Variants in MGAM observed in about 807,000 individuals in gnomAD.
MGAM encodes maltase-glucoamylase.
In MGAM, 253 loss-of-function variants were observed where a neutral mutation model predicts 358.8. The ratio of observed to expected loss-of-function variants is 0.71; its 90% CI spans 0.64 to 0.78. The LOEUF (loss-of-function observed/expected upper bound fraction) is 0.78. Among genes scored for constraint, MGAM ranks in the 30% least tolerant of loss-of-function variants. The pLI is 0.00. For missense variants in MGAM, 3,080 were observed against 3,432.6 expected, an observed-to-expected ratio of 0.90 and a Z score of 2.57; for synonymous variants, 1,105 against 1,227.1, an observed-to-expected ratio of 0.90 and a Z score of 2.08.
intron 33 of MGAM, 48 bp downstream of exon 33, chr7:142,060,014 CACTGTTGGT>C (rs1811971103): frequency 1.6e-6 from 1 of 629,250 alleles, no homozygotes; most frequent in African/African-American, 2.3e-5. Flanking sequence ...GAGGGTGGGT[CACTGTTGGT>C]GGGTCACTGT....
chr7:142,065,225 C>G, intron 37 of MGAM, 110 bp from the exon 38 acceptor site: 2 of 1,432,474 alleles, frequency 1.4e-6, no homozygotes, highest in Non-Finnish European at 1.9e-6. Flanking sequence ...CATGTTCCCT[C>G]CAGTCACGCA....
intron 48 of MGAM, 139 bp downstream of exon 48, chr7:142,078,609 A>G (rs1813951355): frequency 9.0e-7 from 1 of 1,114,792 alleles, no homozygotes; most frequent in African/African-American, 1.5e-5. Context: ...GGATGTGACA[A>G]GTAGGTGGGG....
At chr7:142,075,176 ATTC>A (rs1273818389) in intron 45 of MGAM, among the ~76,000 whole-genome samples, 1 of 146,596 alleles carries the variant, frequency 6.8e-6, no homozygotes. Context: ...ATGGCAGAAT[ATTC>A]TTCTTTCTAT....
rs146503640 is a variant in MGAM, at chr7:142,073,019, A to G, written c.5187-1066A>G. 2.4e-3 allele frequency among the ~76,000 whole-genome samples: 349 copies of G among 146,478 alleles called. 18 individuals are homozygous for G. Among genetic ancestry groups the G allele is most frequent in the African/African-American group, 7.7e-3 (317 of 41,262 alleles). Reference sequence around the variant, plus strand: ...GAACATTTTAGCAGGAATATATGTTATAATTTATCTAGGATCAGGTAATAT... The same window carrying G: ...GAACATTTTAGCAGGAATATATGTTGTAATTTATCTAGGATCAGGTAATAT... On this transcript the variant is annotated intron_variant, in intron 44 of 70. Transcript: ENST00000475668.
At chr7:142,041,884 G>A (rs13246665) in intron 21 of MGAM, among the ~76,000 whole-genome samples, 41,829 of 75,690 alleles carry the variant, frequency 0.55, 12,639 homozygotes, top group Admixed American at 0.62. Flanking sequence ...ATATATATAC[G>A]TATAATATAT....
chr7:142,101,018 T>A, intron 68 of MGAM, 128 bp downstream of exon 68: 2 of 832,298 alleles, frequency 2.4e-6, no homozygotes, highest in Non-Finnish European at 1.9e-6. Flanking sequence ...ATTTGTTAAT[T>A]CAAGGGTATA....
intron 9 of MGAM, 107 bp downstream of exon 9, chr7:142,027,334 A>G: frequency 1.1e-6 from 1 of 910,746 alleles, no homozygotes; most frequent in East Asian, 2.5e-5. Context: ...GCTGTTACAA[A>G]TTTGAGATAT....
rs782677019 is a variant in MGAM, at chr7:142,027,596, C to T, written c.1096-14C>T. ...AGAGTATTTGCTAATTTTCACTTCA[C>T]ATATTTCTTTCAGCTCATTGGGCGG... On this transcript the variant is annotated splice_polypyrimidine_tract_variant and intron_variant, in intron 9 of 70. Transcript: ENST00000475668. 10 of 1,611,374 alleles carry T rather than the reference C, an allele frequency of 6.2e-6. No individual in the cohort carries two copies. The highest frequency in any genetic ancestry group is 1.3e-5 in the African/African-American group (1 of 74,784).
chr7:142,043,026 T>C (rs1196766782), intron 21 of MGAM, among the ~76,000 whole-genome samples: 2 of 96,990 alleles, frequency 2.1e-5, no homozygotes, highest in East Asian at 3.1e-4. Context: ...ATATAAAATA[T>C]AAACATAATA....
intron 1 of MGAM, among the ~76,000 whole-genome samples, chr7:141,997,499 C>G (rs1554449087): frequency 2.0e-5 from 3 of 152,084 alleles, no homozygotes; most frequent in African/African-American, 4.8e-5. Flanking sequence ...AATAAAATTA[C>G]TATAAAAATT....
chr7:142,084,756 A>G, intron 54 of MGAM, 112 bp downstream of exon 54: 1 of 1,369,672 alleles, frequency 7.3e-7, no homozygotes, highest in South Asian at 1.3e-5. Flanking sequence ...GTTCTTTTTC[A>G]GACAATATCA....
intron 16 of MGAM, among the ~76,000 whole-genome samples, chr7:142,035,358 A>C (rs1305172678): frequency 6.6e-6 from 1 of 152,220 alleles, no homozygotes; most frequent in Non-Finnish European, 1.5e-5. Flanking sequence ...TTTACAGTTT[A>C]GTAAGAGGAG....
intron 18 of MGAM, 88 bp downstream of exon 18, chr7:142,037,065 A>C: frequency 2.2e-6 from 3 of 1,340,786 alleles, no homozygotes; most frequent in Admixed American, 3.9e-5. Flanking sequence ...AAACTGAAAC[A>C]ATTCAGGCAG....
chr7:142,040,470 A>G, intron 20 of MGAM: 1 of 587,686 alleles, frequency 1.7e-6, no homozygotes, highest in Non-Finnish European at 3.0e-6. Context: ...GAATCAGACT[A>G]TCTGTTTAAA....
At chr7:142,019,767 ACT>A (rs1470211143) in intron 4 of MGAM, among the ~76,000 whole-genome samples, 1 of 152,086 alleles carries the variant, frequency 6.6e-6, no homozygotes, top group African/African-American at 2.4e-5. Context: ...TCTTCCTCCT[ACT>A]CTAAAATGCA....
chr7:142,032,888 A>G lies in MGAM; in HGVS notation c.1648A>G (p.Asn550Asp). ...SVSGCSTNNL[N>D]NPPFTPRILD... ...CTCAGGATGTTCCACAAACAACCTA[A>G]ATAATCCCCCATTCACTCCCAGTAA... is the stretch of plus-strand genomic sequence containing the variant. Residue 550 changes from asparagine to aspartate, a missense_variant, in exon 14 of 71, where the codon AAT (asparagine) becomes GAT (aspartate). Physicochemically the swap from Asn to Asp is conservative, Grantham distance 23. Around this residue, in one of 5 missense-constraint regions of MGAM, gnomAD observed 1,816 missense variants for 1,840.5 expected, o/e 0.99. Transcript: ENST00000475668. The G allele has an allele frequency of 6.2e-7, 1 of 1,610,440 alleles. No individual in the cohort carries two copies. Among genetic ancestry groups the G allele is most frequent in the Non-Finnish European group, 8.5e-7 (1 of 1,177,834 alleles).
At chr7:142,058,411 G>C (rs565879923) in intron 31 of MGAM, 83 bp downstream of exon 31, 1 of 1,588,132 alleles carries the variant, frequency 6.3e-7, no homozygotes, top group African/African-American at 1.4e-5. Flanking sequence ...ATGTTTGTTG[G>C]ATTCCATAAA....
chr7:142,082,426 AG>A lies in MGAM; in HGVS notation c.6172-47del. 2.2e-6 allele frequency: 3 copies of A among 1,378,620 alleles called. No individual in the cohort carries two copies. In the South Asian group the frequency reaches 3.7e-5, roughly 17 times the overall value. The allele number at this position is 1,378,620 out of a possible 1,614,324, so 85.4% of individuals were successfully genotyped here. On this transcript the variant is annotated intron_variant, in intron 51 of 70. Transcript: ENST00000475668. ...CATATTTTTGTTGAGTTTCTTTCTCAGGCATAATGTCTTTTAAACTCCTACT... is the reference window on the plus strand; with the variant it reads ...CATATTTTTGTTGAGTTTCTTTCTCAGCATAATGTCTTTTAAACTCCTACT...
chr7:142,012,114 A>G (rs1805647670), intron 3 of MGAM, among the ~76,000 whole-genome samples: 1 of 152,182 alleles, frequency 6.6e-6, no homozygotes, highest in Admixed American at 6.5e-5. Context: ...TTCCTGCTCT[A>G]TTTGAAGATG....
Sources: gnomAD v4.1 joint callset for allele counts (sites outside exome capture counted in the v4.1 genomes callset) on GRCh38, gnomAD v4.1.1 for gene constraint, gnomAD v4.1.1 regional missense constraint, MANE v1.5 for transcripts, NCBI Gene and HGNC (gene_info 2026-07-23, HGNC 2026-07-21) for gene names.